The following DENND1A variants were observed in gnomAD, a reference collection of about 807,000 sequenced individuals.
DENND1A encodes the protein DENN domain containing 1A.
In DENND1A, 51 loss-of-function variants were observed where a neutral mutation model predicts 113.7. The observed-to-expected ratio is 0.45, with a 90% CI of 0.36 to 0.57. The LOEUF (loss-of-function observed/expected upper bound fraction) is 0.57, where lower values mean the gene tolerates loss of function less well. Among genes scored for constraint, DENND1A ranks in the 20% least tolerant of loss-of-function variants. DENND1A has a pLI of 0.00. For missense variants in DENND1A, 1,258 were observed against 1,395.9 expected (o/e 0.90, Z 1.57); for synonymous variants, 565 against 570.8 (o/e 0.99, Z 0.14).
chr9:123,929,327 C>G (rs1315117633), intron 1 of DENND1A, among the ~76,000 whole-genome samples: 1 of 152,210 alleles, frequency 6.6e-6, no homozygotes, highest in African/African-American at 2.4e-5. Context: ...GCCTTTGGAC[C>G]TTGCTGCGTG....
intron 13 of DENND1A, among the ~76,000 whole-genome samples, chr9:123,520,157 A>C (rs1340078294): frequency 2.7e-5 from 4 of 149,590 alleles, no homozygotes; most frequent in African/African-American, 4.9e-5. Flanking sequence ...CAAAAAAAAA[A>C]AAAAAAAAAA....
At chr9:123,464,037 A>G (rs2048743353) in intron 13 of DENND1A, among the ~76,000 whole-genome samples, 1 of 152,216 alleles carries the variant, frequency 6.6e-6, no homozygotes, top group Non-Finnish European at 1.5e-5. Context: ...TACCTGTGTA[A>G]TAAACCTGTA....
intron 13 of DENND1A, among the ~76,000 whole-genome samples, chr9:123,553,249 C>G (rs1049743030): frequency 1.4e-4 from 21 of 152,062 alleles, no homozygotes; most frequent in Non-Finnish European, 2.9e-4. Flanking sequence ...GAGACCCCGT[C>G]TCAAAATAAT....
intron 13 of DENND1A, among the ~76,000 whole-genome samples, chr9:123,540,812 T>G (rs1353560143): frequency 6.6e-6 from 1 of 152,188 alleles, no homozygotes; most frequent in African/African-American, 2.4e-5. Context: ...AGCTTTAGAC[T>G]AAGAAGCAAG....
chr9:123,803,938 A>G (rs548271561), intron 2 of DENND1A, among the ~76,000 whole-genome samples: 1 of 152,290 alleles, frequency 6.6e-6, no homozygotes, highest in Admixed American at 6.5e-5. Flanking sequence ...ACCTTCTTTT[A>G]CTGCTAACAT....
At chr9:123,755,651 C>A (rs1451974081) in intron 5 of DENND1A, among the ~76,000 whole-genome samples, 6 of 152,170 alleles carry the variant, frequency 3.9e-5, no homozygotes, top group African/African-American at 1.4e-4. Flanking sequence ...GACAGCAAGA[C>A]CAACCCCTCC....
chr9:123,546,551 C>CA (rs376162634), intron 13 of DENND1A, among the ~76,000 whole-genome samples: 1,440 of 138,478 alleles, frequency 0.01, 9 homozygotes, highest in South Asian at 0.034. Context: ...GACTCCATCT[C>CA]AAAAAAAAAA....
intron 11 of DENND1A, among the ~76,000 whole-genome samples, chr9:123,592,775 C>T (rs1826345709): frequency 6.6e-6 from 1 of 152,112 alleles, no homozygotes; most frequent in African/African-American, 2.4e-5. Context: ...GAGCAGCTGG[C>T]ACTCCAGGTG....
At chr9:123,547,888 T>C (rs922853251) in intron 13 of DENND1A, among the ~76,000 whole-genome samples, 3 of 152,220 alleles carry the variant, frequency 2.0e-5, no homozygotes, top group Non-Finnish European at 2.9e-5. Flanking sequence ...CACCCAGGGA[T>C]GGTCACTATC....
At chr9:123,688,349 A>T (rs530989740) in intron 5 of DENND1A, among the ~76,000 whole-genome samples, 48 of 152,348 alleles carry the variant, frequency 3.2e-4, no homozygotes, top group African/African-American at 1.0e-3. Context: ...AGCTGTTGTC[A>T]AAATGAGATA....
At chr9:123,437,326 C>T (rs1375281984) in intron 19 of DENND1A, among the ~76,000 whole-genome samples, 1 of 152,222 alleles carries the variant, frequency 6.6e-6, no homozygotes, top group Non-Finnish European at 1.5e-5. Context: ...TCTCCCCTGG[C>T]AGTAGCAGCT....
chr9:123,437,152 GGTCT>G (rs1286611271), intron 19 of DENND1A, among the ~76,000 whole-genome samples: 1 of 152,084 alleles, frequency 6.6e-6, no homozygotes, highest in Admixed American at 6.6e-5. Flanking sequence ...TCCATCTGCT[GGTCT>G]GTCTCATCAT....
intron 2 of DENND1A, among the ~76,000 whole-genome samples, chr9:123,870,082 A>G (rs1383311526): frequency 6.6e-6 from 1 of 152,024 alleles, no homozygotes; most frequent in Non-Finnish European, 1.5e-5. Context: ...TGGAAAATGC[A>G]AGATAAAAAA....
intron 13 of DENND1A, among the ~76,000 whole-genome samples, chr9:123,511,589 T>A (rs2053468084): frequency 6.6e-6 from 1 of 152,258 alleles, no homozygotes; most frequent in Non-Finnish European, 1.5e-5. Context: ...GCACAAGGCC[T>A]GGCTTCAGGG....
intron 2 of DENND1A, among the ~76,000 whole-genome samples, chr9:123,854,711 TAA>T (rs1465793442): frequency 2.1e-5 from 3 of 145,876 alleles, no homozygotes; most frequent in African/African-American, 8.0e-5. Flanking sequence ...AAAATAAAAA[TAA>T]AAATAAGTAA....
At chr9:123,867,073 G>A (rs1003006264) in intron 2 of DENND1A, among the ~76,000 whole-genome samples, 2 of 152,112 alleles carry the variant, frequency 1.3e-5, no homozygotes, top group African/African-American at 4.8e-5. Flanking sequence ...ACTTATTAAA[G>A]TCTTCTGCTG....
At chr9:123,639,039 T>TAAAAAAAAAAAAAAAAAAAAAAAAAAAAA (rs750972974) in intron 9 of DENND1A, among the ~76,000 whole-genome samples, 29 of 32,096 alleles carry the variant, frequency 9.0e-4, no homozygotes, top group East Asian at 1.1e-3. Flanking sequence ...GCATGAGTAG[T>TAAAAAAAAAAAAAAAAAAAAAAAAAAAAA]AAAAAAAAAA....
intron 3 of DENND1A, among the ~76,000 whole-genome samples, chr9:123,783,036 G>A (rs553323671): frequency 4.6e-5 from 7 of 152,144 alleles, no homozygotes; most frequent in South Asian, 2.1e-4. Flanking sequence ...GAAAGCTACC[G>A]CAGTAATACA....
chr9:123,618,082 C>T (rs557808572), intron 10 of DENND1A, among the ~76,000 whole-genome samples: 6 of 152,298 alleles, frequency 3.9e-5, no homozygotes, highest in African/African-American at 7.2e-5. Context: ...AAGACGAACC[C>T]GCACTTGCTG....
Sources: allele counts gnomAD v4.1 joint callset (sites outside exome capture counted in the v4.1 genomes callset), GRCh38; gene constraint gnomAD v4.1.1; transcripts MANE v1.5; gene names NCBI Gene and HGNC (gene_info 2026-07-23, HGNC 2026-07-21).